Variants in KMO observed in about 807,000 individuals in gnomAD.
The protein encoded by KMO is kynurenine 3-hydroxylase.
Under a neutral mutation model 57.8 loss-of-function variants are expected in KMO, and 24 were observed. That is an observed-to-expected ratio of 0.42 (90% CI 0.30 to 0.58). KMO has a LOEUF of 0.58. Among genes scored for constraint, KMO ranks in the 20% least tolerant of loss-of-function variants. KMO has a pLI of 0.22. For missense variants in KMO, 483 were observed against 588.2 expected, an observed-to-expected ratio of 0.82 and a Z score of 1.85; for synonymous variants, 210 against 193.6, an observed-to-expected ratio of 1.08 and a Z score of -0.70.
intron 12 of KMO, 25 bp downstream of exon 12, chr1:241,588,855 T>G (rs1444328331): frequency 6.6e-7 from 1 of 1,513,468 alleles, no homozygotes; most frequent in Admixed American, 1.7e-5. Context: ...TTGGCTTTAT[T>G]CCATGAGATG....
intron 1 of KMO, among the ~76,000 whole-genome samples, chr1:241,536,203 A>C (rs575610331): frequency 6.6e-6 from 1 of 152,292 alleles, no homozygotes; most frequent in African/African-American, 2.4e-5. Flanking sequence ...TCAATTTTGC[A>C]TGCTGGAAGG....
rs566435983 is a variant in KMO at position 241,584,772 on chromosome 1, A to G, written c.958-1907A>G. Among the ~76,000 whole-genome samples, 20 of 152,350 alleles carry G rather than the reference A, an allele frequency of 1.3e-4. No homozygotes were observed. In the South Asian group the frequency reaches 2.7e-3, roughly 21 times the overall value. ...TATTCTCCATGAAGCAGTGGTAAAC[A>G]TATTGTTTTATAAAAACATAAGACA... is the stretch of plus-strand genomic sequence containing the variant. On this transcript the variant is annotated intron_variant, in intron 10 of 14. Transcript: ENST00000366559.
intron 12 of KMO, 83 bp downstream of exon 12, chr1:241,588,913 C>G: frequency 1.0e-6 from 1 of 986,208 alleles, no homozygotes; most frequent in Non-Finnish European, 1.6e-6. Flanking sequence ...TTTGCTTCAG[C>G]CCCCATCTCA....
At chr1:241,546,163 C>G (rs1346077545) in intron 1 of KMO, among the ~76,000 whole-genome samples, 3 of 152,098 alleles carry the variant, frequency 2.0e-5, no homozygotes, top group Non-Finnish European at 4.4e-5. Context: ...TGCCCTTCTC[C>G]TGGGATGTAC....
At chr1:241,587,178 A>G (rs1202674903) in intron 11 of KMO, among the ~76,000 whole-genome samples, 3 of 152,136 alleles carry the variant, frequency 2.0e-5, no homozygotes. Context: ...TCCTGCTCTG[A>G]TCTTCAGGCG....
intron 1 of KMO, among the ~76,000 whole-genome samples, chr1:241,538,448 C>G (rs777531786): frequency 1.1e-4 from 16 of 152,176 alleles, no homozygotes; most frequent in Non-Finnish European, 1.2e-4. Context: ...CTTTAAGCAA[C>G]TATTACCATA....
chr1:241,582,799 T>C (rs961121119), intron 10 of KMO, among the ~76,000 whole-genome samples: 1 of 152,202 alleles, frequency 6.6e-6, no homozygotes, highest in Non-Finnish European at 1.5e-5. Context: ...TAAGGTCATG[T>C]TCCTTGGGTG....
intron 3 of KMO, 108 bp downstream of exon 3, chr1:241,549,882 T>G: frequency 1.3e-6 from 1 of 748,230 alleles, no homozygotes; most frequent in Non-Finnish European, 2.2e-6. Flanking sequence ...CAAGAATCTC[T>G]GCATGAAAAC....
At chr1:241,541,291 G>A (rs1043086718) in intron 1 of KMO, among the ~76,000 whole-genome samples, 1 of 152,262 alleles carries the variant, frequency 6.6e-6, no homozygotes, top group Non-Finnish European at 1.5e-5. Context: ...TAGGTAGAGA[G>A]GGGTGTTAAA....
chr1:241,569,994 ATTTT>A (rs1662217936), intron 10 of KMO, among the ~76,000 whole-genome samples: 1 of 151,924 alleles, frequency 6.6e-6, no homozygotes, highest in Admixed American at 6.6e-5. Flanking sequence ...TTATTTTATT[ATTTT>A]AATAATCAGG....
At chr1:241,556,225 C>T (rs1661617953) in intron 5 of KMO, among the ~76,000 whole-genome samples, 1 of 152,218 alleles carries the variant, frequency 6.6e-6, no homozygotes, top group African/African-American at 2.4e-5. Flanking sequence ...CTTCGAAATC[C>T]TGTGCTCAAG....
chr1:241,570,514 C>A (rs183126584), intron 10 of KMO, among the ~76,000 whole-genome samples: 2 of 152,084 alleles, frequency 1.3e-5, no homozygotes, highest in Non-Finnish European at 2.9e-5. Flanking sequence ...GTTTTCCCAG[C>A]ACCATTTATT....
intron 1 of KMO, among the ~76,000 whole-genome samples, chr1:241,548,088 AAC>A (rs60952289): frequency 0.021 from 3,188 of 148,908 alleles, 42 homozygotes; most frequent in Non-Finnish European, 0.034. Flanking sequence ...AAACAAACAA[AAC>A]ACACACACAC....
intron 1 of KMO, chr1:241,536,383 A>T (rs1660751056): frequency 3.3e-6 from 1 of 301,088 alleles, no homozygotes; most frequent in African/African-American, 2.3e-5. Flanking sequence ...AGGCCATCTA[A>T]GCTAAACAAG....
intron 1 of KMO, among the ~76,000 whole-genome samples, chr1:241,533,160 G>A (rs1660635002): frequency 6.6e-6 from 1 of 152,212 alleles, no homozygotes; most frequent in South Asian, 2.1e-4. Context: ...CATAGTTATG[G>A]TGCCAAAGGT....
chr1:241,540,312 C>T (rs1660915790), intron 1 of KMO, among the ~76,000 whole-genome samples: 1 of 151,934 alleles, frequency 6.6e-6, no homozygotes, highest in South Asian at 2.1e-4. Context: ...GGAAGTCAGA[C>T]AAGACTATAA....
At chr1:241,539,743 A>T (rs1442855467) in intron 1 of KMO, among the ~76,000 whole-genome samples, 1 of 151,828 alleles carries the variant, frequency 6.6e-6, no homozygotes, top group African/African-American at 2.4e-5. Context: ...TGTTATCCTT[A>T]CTCCATTCCC....
rs753446808 is a variant in KMO, at chr1:241,551,057, C to G, written c.312+13C>G. 2 of 1,420,238 alleles carry G rather than the reference C, an allele frequency of 1.4e-6. No homozygotes were observed. The highest frequency in any genetic ancestry group is 1.9e-6 in the Non-Finnish European group (2 of 1,027,930). The allele number at this position is 1,420,238 out of a possible 1,614,324, so 88.0% of individuals were successfully genotyped here. ...GACAAAGTCTCAGGTAGGTTTACCC[C>G]GGAGATCATTGTGCATTGATTATAA... On this transcript the variant is annotated intron_variant, in intron 4 of 14. Coordinates refer to ENST00000366559, the MANE Select transcript of KMO (RefSeq NM_003679.5).
chr1:241,562,156 C>T lies in KMO; in HGVS notation c.450-11C>T, dbSNP rs751018590. 3.7e-6 allele frequency: 6 copies of T among 1,612,650 alleles called. No individual in the cohort carries two copies. Among genetic ancestry groups the T allele is most frequent in the Non-Finnish European group, 5.1e-6 (6 of 1,179,126 alleles). On this transcript the variant is annotated splice_polypyrimidine_tract_variant and intron_variant, in intron 6 of 14. Transcript: ENST00000366559. Reference sequence around the variant, plus strand: ...ATATTTTTCTTTTGGATGTTTTGTTCTATTTTTCAGATCTGACAAAGTTCC... The same window carrying T: ...ATATTTTTCTTTTGGATGTTTTGTTTTATTTTTCAGATCTGACAAAGTTCC...
Sources: allele counts gnomAD v4.1 joint callset (sites outside exome capture counted in the v4.1 genomes callset), GRCh38; gene constraint gnomAD v4.1.1; transcripts MANE v1.5; gene names NCBI Gene and HGNC (gene_info 2026-07-23, HGNC 2026-07-21).